PLXNA4: variants seen among roughly 807,000 people sequenced by gnomAD.
PLXNA4 encodes the protein plexin A4.
Under a neutral mutation model 191.8 loss-of-function variants are expected in PLXNA4, and 44 were observed. That is an observed-to-expected ratio of 0.23 (90% CI 0.18 to 0.29). The LOEUF (loss-of-function observed/expected upper bound fraction) is 0.29, where lower values mean the gene tolerates loss of function less well. Among genes scored for constraint, PLXNA4 ranks in the 10% least tolerant of loss-of-function variants. The pLI is 1.00. For missense variants in PLXNA4, 1,800 were observed against 2,488.8 expected, an observed-to-expected ratio of 0.72 and a Z score of 5.89; for synonymous variants, 1,082 against 1,009.5, an observed-to-expected ratio of 1.07 and a Z score of -1.36.
intron 7 of PLXNA4, among the ~76,000 whole-genome samples, chr7:132,227,239 G>T (rs1798356538): frequency 1.3e-5 from 2 of 152,174 alleles, no homozygotes; most frequent in Non-Finnish European, 2.9e-5. Context: ...GGCTAACCTG[G>T]GGCTGAGACA....
intron 4 of PLXNA4, among the ~76,000 whole-genome samples, chr7:132,262,061 A>G (rs1429437658): frequency 5.3e-5 from 8 of 152,224 alleles, no homozygotes; most frequent in Non-Finnish European, 1.2e-4. Context: ...TCCAAGATAT[A>G]TGGGAAATTG....
chr7:132,193,918 A>G, intron 14 of PLXNA4, 144 bp downstream of exon 14: 1 of 1,062,520 alleles, frequency 9.4e-7, no homozygotes, highest in South Asian at 1.9e-5. Context: ...CACTCACTAT[A>G]AGACAGGAGT....
intron 8 of PLXNA4, among the ~76,000 whole-genome samples, chr7:132,224,378 G>A (rs1389298923): frequency 1.3e-5 from 2 of 151,970 alleles, no homozygotes; most frequent in African/African-American, 2.4e-5. Context: ...GACCAAGGAA[G>A]AGCTGGTCAC....
At chr7:132,225,623 C>A (rs565771480) in intron 8 of PLXNA4, among the ~76,000 whole-genome samples, 5 of 151,346 alleles carry the variant, frequency 3.3e-5, no homozygotes, top group Non-Finnish European at 7.4e-5. Context: ...TCCGCCCCCC[C>A]CCACAGCTTT....
chr7:132,597,580 CATTCAT>C (rs1563190431), intron 2 of PLXNA4, among the ~76,000 whole-genome samples: 1 of 9,692 alleles, frequency 1.0e-4, no homozygotes, highest in Non-Finnish European at 5.1e-4. Context: ...TCCTTTTATT[CATTCAT>C]TCATTCATTC....
intron 3 of PLXNA4, among the ~76,000 whole-genome samples, chr7:132,431,657 G>A (rs1795266157): frequency 6.6e-6 from 1 of 152,162 alleles, no homozygotes; most frequent in Admixed American, 6.5e-5. Context: ...GAACCCTCAT[G>A]CTCACGATTT....
rs1563180349 is a variant in PLXNA4 at position 132,569,019 on chromosome 7, C to T, written c.-87+7403G>A. ...GGAAGCCCCAGCCCCAGGGCCTGAC[C>T]CACAGAGGCTCTAGCTTGACCTGGT... On this transcript the variant is annotated intron_variant, in intron 1 of 31. Coordinates refer to ENST00000321063, the MANE Select transcript of PLXNA4 (RefSeq NM_020911.2). Among the ~76,000 whole-genome samples, 12 of 152,312 alleles carry T rather than the reference C, an allele frequency of 7.9e-5. No individual in the cohort carries two copies. In the South Asian group the frequency reaches 2.5e-3, roughly 32 times the overall value.
chr7:132,335,585 T>C (rs1802786529), intron 3 of PLXNA4, among the ~76,000 whole-genome samples: 1 of 152,226 alleles, frequency 6.6e-6, no homozygotes, highest in African/African-American at 2.4e-5. Flanking sequence ...CTCAAGGTCA[T>C]CCTATATTAA....
chr7:132,610,870 G>A (rs1466806055), intron 2 of PLXNA4, among the ~76,000 whole-genome samples: 1 of 152,220 alleles, frequency 6.6e-6, no homozygotes, highest in Non-Finnish European at 1.5e-5. Context: ...TCTTGGAGGA[G>A]CAGAGGTTTG....
chr7:132,408,123 C>G (rs762495830), intron 3 of PLXNA4, among the ~76,000 whole-genome samples: 1 of 151,444 alleles, frequency 6.6e-6, no homozygotes, highest in Non-Finnish European at 1.5e-5. Context: ...AAATATAAAA[C>G]AGTAGGAGAG....
chr7:132,602,434 C>T (rs1032269937), intron 2 of PLXNA4, among the ~76,000 whole-genome samples: 2 of 152,196 alleles, frequency 1.3e-5, no homozygotes, highest in South Asian at 2.1e-4. Context: ...CTACCAGCTC[C>T]TTTATGGCCC....
At chr7:132,588,125 T>A (rs1802534985) in intron 2 of PLXNA4, among the ~76,000 whole-genome samples, 1 of 152,074 alleles carries the variant, frequency 6.6e-6, no homozygotes, top group Admixed American at 6.5e-5. Context: ...GATCTTAATG[T>A]CCCACAGAGG....
At chr7:132,577,201 G>C, upstream of PLXNA4, 1 of 148,244 alleles carries the variant, frequency 6.7e-6, no homozygotes, top group Non-Finnish European at 1.5e-5. Flanking sequence ...CCGGCCCCCC[G>C]GGCGGGCTGC....
intron 25 of PLXNA4, among the ~76,000 whole-genome samples, chr7:132,151,446 GAAGAAGA>G (rs1795624277): frequency 4.9e-5 from 4 of 80,938 alleles, no homozygotes; most frequent in Admixed American, 1.1e-4. Flanking sequence ...GGAGGAGGAG[GAAGAAGA>G]AGGAGGAGGA....
intron 16 of PLXNA4, among the ~76,000 whole-genome samples, chr7:132,183,598 G>A (rs538967564): frequency 1.3e-5 from 2 of 152,336 alleles, no homozygotes; most frequent in South Asian, 2.1e-4. Flanking sequence ...ATTATACCAG[G>A]CTGTGAATTT....
At chr7:132,614,093 T>C (rs1230132862) in intron 2 of PLXNA4, among the ~76,000 whole-genome samples, 1 of 152,220 alleles carries the variant, frequency 6.6e-6, no homozygotes, top group African/African-American at 2.4e-5. Flanking sequence ...AGAAATGTAA[T>C]GTGAGTCACA....
rs1368854255 is a variant in PLXNA4 at position 132,383,814 on chromosome 7, T to G, written c.1372-85592A>C. ...AGGATTTGACTATTTTCAAGTTTCT[T>G]CCTAAATATTTACACATTGTTTTGC... On this transcript the variant is annotated intron_variant, in intron 3 of 31. Coordinates refer to ENST00000321063, the MANE Select transcript of PLXNA4 (RefSeq NM_020911.2). 6 of 985,342 alleles carry G rather than the reference T, an allele frequency of 6.1e-6. No homozygotes were observed. The African/African-American group carries it at 1.0e-4, about 17-fold the overall frequency. 61.0% of individuals were successfully genotyped at this position (985,342 alleles called of 1,614,324 possible).
intron 9 of PLXNA4, among the ~76,000 whole-genome samples, chr7:132,221,249 A>G (rs1427544515): frequency 6.6e-6 from 1 of 152,224 alleles, no homozygotes; most frequent in Non-Finnish European, 1.5e-5. Flanking sequence ...AGAAAGAAAA[A>G]GCAGAAATGC....
At chr7:132,329,482 T>C (rs1162161886) in intron 3 of PLXNA4, among the ~76,000 whole-genome samples, 1 of 152,224 alleles carries the variant, frequency 6.6e-6, no homozygotes, top group East Asian at 1.9e-4. Context: ...GCCCCAGGGG[T>C]CCAGTGGTTG....
Sources: gnomAD v4.1 joint callset for allele counts (sites outside exome capture counted in the v4.1 genomes callset) on GRCh38, gnomAD v4.1.1 for gene constraint, MANE v1.5 for transcripts, NCBI Gene and HGNC (gene_info 2026-07-23, HGNC 2026-07-21) for gene names.